The following RIN2 variants were observed in gnomAD, a reference collection of about 807,000 sequenced individuals.
The protein encoded by RIN2 is Ras and Rab interactor 2, also known as RAB5 interacting protein 2.
RIN2 carries 36 observed loss-of-function variants against 78.0 expected under a neutral mutation model. That is an observed-to-expected ratio of 0.46 (90% CI 0.35 to 0.61). The LOEUF is 0.61. Ranked by LOEUF, RIN2 falls within the 20% of genes least tolerant of loss-of-function variation. The pLI, the probability that RIN2 is intolerant of heterozygous loss-of-function variation, is 0.00. For missense variants in RIN2, 1,087 were observed against 1,159.7 expected (o/e 0.94, Z 0.91); for synonymous variants, 466 against 466.8 (o/e 1.00, Z 0.02).
intron 3 of RIN2, among the ~76,000 whole-genome samples, chr20:19,924,742 TTTTTTTTTTTTTTTG>T (rs2040155168): frequency 5.0e-5 from 1 of 19,954 alleles, no homozygotes; most frequent in Non-Finnish European, 9.1e-5. Flanking sequence ...TTTTTTTTTT[TTTTTTTTTTTTTTTG>T]AGACGGAGTT....
chr20:19,762,784 A>G (rs933575034), intron 1 of RIN2, among the ~76,000 whole-genome samples: 2 of 151,984 alleles, frequency 1.3e-5, no homozygotes, highest in Non-Finnish European at 2.9e-5. Flanking sequence ...TTATTTAGAG[A>G]TAGAGTTTCG....
intron 2 of RIN2, among the ~76,000 whole-genome samples, chr20:19,816,928 A>G (rs2180582): frequency 0.3 from 46,129 of 152,100 alleles, 7,349 homozygotes; most frequent in African/African-American, 0.4. Flanking sequence ...AACATTTATC[A>G]TAATATACTG....
intron 9 of RIN2, among the ~76,000 whole-genome samples, chr20:19,983,310 A>C (rs1347259177): frequency 2.0e-5 from 3 of 152,168 alleles, no homozygotes; most frequent in African/African-American, 7.2e-5. Context: ...TCGGAAATAG[A>C]AGTTACCTGG....
intron 9 of RIN2, among the ~76,000 whole-genome samples, chr20:19,982,099 GC>G (rs2042472119): frequency 6.6e-6 from 1 of 152,208 alleles, no homozygotes; most frequent in African/African-American, 2.4e-5. Context: ...TTTTCAGAGG[GC>G]TTCCCCTCAA....
rs1289503426 is a variant in RIN2, at chr20:19,975,215, G to A, written c.1190G>A (p.Gly397Asp). 14 of 1,591,858 alleles carry A rather than the reference G, an allele frequency of 8.8e-6. No individual in the cohort carries two copies. Among genetic ancestry groups the A allele is most frequent in the Non-Finnish European group, 1.2e-5 (14 of 1,169,466 alleles). ...ELELGTAGSP[G>D]GAPPEAAPGD... ...GAGCTGGGCACAGCTGGCAGCCCAG[G>A]TGGGGCCCCGCCTGAGGCCGCCCCG... Residue 397 changes from glycine (G) to aspartate (D), a missense_variant, in exon 9 of 13, where the codon GGT (glycine) becomes GAT (aspartate). Gly to Asp is a moderately conservative substitution (Grantham distance 94). Coordinates refer to ENST00000255006, the MANE Select transcript of RIN2 (RefSeq NM_018993.4). This position sits in a 1 kb window ranked among gnomAD's most constrained non-coding sequence, Gnocchi z 4.9.
At chr20:19,946,365 G>A (rs1391972122) in intron 4 of RIN2, among the ~76,000 whole-genome samples, 2 of 152,170 alleles carry the variant, frequency 1.3e-5, no homozygotes, top group African/African-American at 2.4e-5. Context: ...GACATTCCAA[G>A]TAGCTTGAAC....
At chr20:19,854,508 A>G (rs1018643090) in intron 2 of RIN2, among the ~76,000 whole-genome samples, 1 of 152,184 alleles carries the variant, frequency 6.6e-6, no homozygotes, top group African/African-American at 2.4e-5. Flanking sequence ...CTTCCTATCT[A>G]TGAGCATGGA....
At chr20:19,942,793 C>T (rs775698415) in intron 4 of RIN2, among the ~76,000 whole-genome samples, 9 of 152,190 alleles carry the variant, frequency 5.9e-5, no homozygotes, top group African/African-American at 9.7e-5. Context: ...TATCTGTTTA[C>T]AGTAAACCTT....
chr20:19,973,498 C>A (rs1222255844), intron 8 of RIN2, among the ~76,000 whole-genome samples: 1 of 152,030 alleles, frequency 6.6e-6, no homozygotes, highest in African/African-American at 2.4e-5. Context: ...TAGAGAATAA[C>A]CCATTCCAGG....
intron 5 of RIN2, among the ~76,000 whole-genome samples, chr20:19,957,719 T>C (rs1356970026): frequency 6.6e-6 from 1 of 152,088 alleles, no homozygotes; most frequent in Non-Finnish European, 1.5e-5. Context: ...TGCTATCCAA[T>C]ATGGTAGCTT....
At chr20:19,811,136 C>T (rs1322500680) in intron 2 of RIN2, among the ~76,000 whole-genome samples, 1 of 151,332 alleles carries the variant, frequency 6.6e-6, no homozygotes, top group African/African-American at 2.4e-5. Flanking sequence ...TATTTTGGTC[C>T]CCCTGAGACA....
At chr20:19,967,363 G>C (rs2041971909) in intron 7 of RIN2, among the ~76,000 whole-genome samples, 1 of 152,162 alleles carries the variant, frequency 6.6e-6, no homozygotes, top group African/African-American at 2.4e-5. Flanking sequence ...CTCTTTCTAT[G>C]CTACTCATCT....
At chr20:19,777,072 G>T (rs1389554289) in intron 1 of RIN2, among the ~76,000 whole-genome samples, 3 of 152,234 alleles carry the variant, frequency 2.0e-5, no homozygotes, top group Non-Finnish European at 4.4e-5. Flanking sequence ...GGAAGGAGGA[G>T]GTGTTCAGGG....
At position 20,000,685 on chromosome 20, in the gene RIN2, A is replaced by C; in HGVS notation, c.2437A>C (p.Ile813Leu). The part of the protein sequence containing the change: ...TGKTLLVRPY[I>L]TTEDVCQICA... ...AAAGACCCTCCTTGTGAGACCTTAC[A>C]TCACCACTGAGGATGTGTGTCAGAT... The change falls in exon 13 of 13, where the codon ATC becomes CTC. Residue 813 changes from isoleucine (I) to leucine (L), a missense_variant. By Grantham distance (5) the Ile-to-Leu change is conservative (BLOSUM62 2). Transcript: ENST00000255006. The C allele has an allele frequency of 6.2e-7, 1 of 1,613,838 alleles. No homozygotes were observed. Among genetic ancestry groups the C allele is most frequent in the Non-Finnish European group, 8.5e-7 (1 of 1,179,734 alleles).
chr20:19,773,472 G>A (rs894657543), intron 1 of RIN2, among the ~76,000 whole-genome samples: 2 of 152,152 alleles, frequency 1.3e-5, no homozygotes, highest in Non-Finnish European at 2.9e-5. Flanking sequence ...AGGTCAAAGG[G>A]CTGGGTGTGA....
At chr20:19,885,597 C>T (rs374891549) in intron 2 of RIN2, among the ~76,000 whole-genome samples, 14 of 151,822 alleles carry the variant, frequency 9.2e-5, no homozygotes, top group African/African-American at 3.4e-4. Context: ...ACCCTGGAGG[C>T]GGAAGCTAAA....
rs115438021 is a variant in RIN2, at chr20:19,982,853, C to T, written c.1762+7066C>T. ...TGAAGGGAGCATGTGTATCCATAACCCAGCTGCCTCTTCTCCAGGGGGAGC... is the reference window on the plus strand; with the variant it reads ...TGAAGGGAGCATGTGTATCCATAACTCAGCTGCCTCTTCTCCAGGGGGAGC... On this transcript the variant is annotated intron_variant, in intron 9 of 12. Coordinates refer to ENST00000255006, the MANE Select transcript of RIN2 (RefSeq NM_018993.4). Among the ~76,000 whole-genome samples, 219 of 152,300 alleles carry T rather than the reference C, an allele frequency of 1.4e-3. 1 individual carries two copies. The highest frequency in any genetic ancestry group is 5.1e-3 in the African/African-American group (212 of 41,564).
chr20:19,762,605 G>A (rs912726420), intron 1 of RIN2, among the ~76,000 whole-genome samples: 1 of 152,124 alleles, frequency 6.6e-6, no homozygotes, highest in Non-Finnish European at 1.5e-5. Flanking sequence ...GGGGCGGGAT[G>A]GGGAGTGACA....
At chr20:19,937,355 C>T (rs1013773312) in intron 4 of RIN2, among the ~76,000 whole-genome samples, 7 of 152,150 alleles carry the variant, frequency 4.6e-5, no homozygotes, top group East Asian at 1.9e-4. Context: ...GAGCACCGCC[C>T]GGGCCCCTGG....
Sources: allele counts gnomAD v4.1 joint callset (sites outside exome capture counted in the v4.1 genomes callset), GRCh38; gene constraint gnomAD v4.1.1; non-coding constraint Gnocchi (gnomAD v3.1); transcripts MANE v1.5; gene names NCBI Gene and HGNC (gene_info 2026-07-23, HGNC 2026-07-21).